Variants in LRMDA observed in about 807,000 individuals in gnomAD.
LRMDA encodes the protein leucine-rich melanocyte differentiation-associated protein.
In LRMDA, 18 loss-of-function variants were observed where a neutral mutation model predicts 29.8. The observed-to-expected ratio is 0.60, with a 90% CI of 0.42 to 0.90. The LOEUF (loss-of-function observed/expected upper bound fraction) is 0.90. Ranked by LOEUF, LRMDA falls within the 40% of genes least tolerant of loss-of-function variation. The probability of loss-of-function intolerance (pLI) is 0.00; values close to 1 mark genes in which losing one functional copy is unlikely to be tolerated. For missense variants in LRMDA, 273 were observed against 273.9 expected (o/e 1.00, Z 0.02); for synonymous variants, 125 against 109.4 (o/e 1.14, Z -0.89).
At chr10:75,517,542 A>G (rs1845305760) in intron 2 of LRMDA, among the ~76,000 whole-genome samples, 1 of 152,124 alleles carries the variant, frequency 6.6e-6, no homozygotes, top group Non-Finnish European at 1.5e-5. Flanking sequence ...ATTTTTGCAC[A>G]TTGATTTTGT....
intron 5 of LRMDA, among the ~76,000 whole-genome samples, chr10:76,154,498 T>C (rs1338347150): frequency 2.6e-5 from 4 of 152,212 alleles, no homozygotes; most frequent in Admixed American, 6.5e-5. Context: ...TCATGAGACA[T>C]GTAGGGAATA....
intron 5 of LRMDA, among the ~76,000 whole-genome samples, chr10:76,111,796 G>A (rs563968997): frequency 1.7e-3 from 186 of 107,716 alleles, no homozygotes; most frequent in African/African-American, 9.5e-3. Context: ...AATCACCCCC[G>A]CCGAAATGGG....
chr10:76,505,585 A>G (rs186597396), intron 6 of LRMDA, among the ~76,000 whole-genome samples: 7 of 152,158 alleles, frequency 4.6e-5, no homozygotes, highest in South Asian at 2.1e-4. Flanking sequence ...TGAAATTCTC[A>G]TAGTGAATTT....
intron 2 of LRMDA, among the ~76,000 whole-genome samples, chr10:75,737,415 G>T (rs535832693): frequency 6.6e-6 from 1 of 152,232 alleles, no homozygotes; most frequent in Non-Finnish European, 1.5e-5. Context: ...CAAGAATGTG[G>T]CCATGGGTAT....
chr10:76,241,540 T>A (rs893552950), intron 5 of LRMDA, among the ~76,000 whole-genome samples: 10 of 152,220 alleles, frequency 6.6e-5, no homozygotes, highest in African/African-American at 2.4e-4. Context: ...TCACAGCAGA[T>A]AACTTGGTTT....
chr10:76,476,927 A>G (rs1842679560), intron 6 of LRMDA, among the ~76,000 whole-genome samples: 1 of 152,148 alleles, frequency 6.6e-6, no homozygotes, highest in Admixed American at 6.6e-5. Flanking sequence ...ATTTATGACA[A>G]ACCCACAGCC....
At chr10:75,865,859 A>T (rs1299781353) in intron 2 of LRMDA, among the ~76,000 whole-genome samples, 1 of 152,236 alleles carries the variant, frequency 6.6e-6, no homozygotes, top group African/African-American at 2.4e-5. Flanking sequence ...CTGAAGAAAA[A>T]AGCAATGAAA....
chr10:75,654,091 G>A (rs921637210), intron 2 of LRMDA, among the ~76,000 whole-genome samples: 7 of 152,112 alleles, frequency 4.6e-5, no homozygotes, highest in African/African-American at 7.2e-5. Flanking sequence ...CTTCTTTGGC[G>A]GAGGGATGGG....
intron 6 of LRMDA, among the ~76,000 whole-genome samples, chr10:76,373,513 T>A (rs1429178063): frequency 6.6e-6 from 1 of 152,172 alleles, no homozygotes; most frequent in East Asian, 1.9e-4. Context: ...CAATGAACTA[T>A]AAAGGGAAAG....
At chr10:76,272,305 C>T (rs1840077569) in intron 5 of LRMDA, among the ~76,000 whole-genome samples, 1 of 152,122 alleles carries the variant, frequency 6.6e-6, no homozygotes, top group African/African-American at 2.4e-5. Context: ...GACTTGATGC[C>T]ACATGGGACT....
chr10:75,899,912 C>T (rs1845643271), intron 2 of LRMDA, among the ~76,000 whole-genome samples: 1 of 152,204 alleles, frequency 6.6e-6, no homozygotes, highest in African/African-American at 2.4e-5. Context: ...CTTTGAAGAC[C>T]TGTCTCTATT....
At chr10:76,315,129 T>C (rs1840675875) in intron 5 of LRMDA, among the ~76,000 whole-genome samples, 1 of 152,242 alleles carries the variant, frequency 6.6e-6, no homozygotes, top group Admixed American at 6.5e-5. Context: ...TTTCTTGGAC[T>C]AGTACTATAA....
chr10:76,116,249 G>T (rs1274307782), intron 5 of LRMDA, among the ~76,000 whole-genome samples: 6 of 152,150 alleles, frequency 3.9e-5, no homozygotes, highest in Admixed American at 2.6e-4. Context: ...CCTATACATT[G>T]TCTTGACTGT....
chr10:75,438,513 A>G lies in LRMDA; in HGVS notation c.131+19A>G, dbSNP rs909531374. ...TTCTGAGGTATGTAACCTTCACAAG[A>G]TGTAGGCCAGGCCTGGGAGGCCCAG... On this transcript the variant is annotated intron_variant, in intron 2 of 6. Transcript: ENST00000611255. The G allele has an allele frequency of 8.4e-6, 13 of 1,545,510 alleles. No individual in the cohort carries two copies. The highest frequency in any genetic ancestry group is 1.1e-5 in the Non-Finnish European group (12 of 1,142,386).
intron 2 of LRMDA, among the ~76,000 whole-genome samples, chr10:76,032,162 C>T (rs1445974357): frequency 6.6e-6 from 1 of 152,200 alleles, no homozygotes; most frequent in Non-Finnish European, 1.5e-5. Context: ...CTGGCTCTTC[C>T]CCTCCATTCT....
At chr10:75,831,402 T>A (rs1236660493) in intron 2 of LRMDA, among the ~76,000 whole-genome samples, 1 of 152,158 alleles carries the variant, frequency 6.6e-6, no homozygotes, top group Non-Finnish European at 1.5e-5. Flanking sequence ...ATGTCTCACA[T>A]CTAGGTCACA....
intron 2 of LRMDA, among the ~76,000 whole-genome samples, chr10:75,573,338 T>C (rs1246839606): frequency 1.3e-5 from 2 of 152,180 alleles, no homozygotes; most frequent in African/African-American, 2.4e-5. Flanking sequence ...TTTTCCCCAG[T>C]TCTGGAAAAT....
chr10:76,432,713 C>A (rs1019866118), intron 6 of LRMDA, among the ~76,000 whole-genome samples: 6 of 152,130 alleles, frequency 3.9e-5, no homozygotes, highest in African/African-American at 9.7e-5. Context: ...ACAGATGAGG[C>A]GCAGAATAGG....
intron 2 of LRMDA, among the ~76,000 whole-genome samples, chr10:75,512,438 A>G (rs1410600429): frequency 1.3e-5 from 2 of 152,064 alleles, no homozygotes; most frequent in Non-Finnish European, 2.9e-5. Flanking sequence ...CAGGAAAAGC[A>G]TTAGTAATTT....
Sources: allele counts gnomAD v4.1 joint callset (sites outside exome capture counted in the v4.1 genomes callset), GRCh38; gene constraint gnomAD v4.1.1; transcripts MANE v1.5; gene names NCBI Gene and HGNC (gene_info 2026-07-23, HGNC 2026-07-21).